CHRNB1: variants seen among roughly 807,000 people sequenced by gnomAD.
CHRNB1 encodes cholinergic receptor nicotinic beta 1 subunit, also known as acetylcholine receptor subunit beta.
A neutral mutation model predicts 53.8 loss-of-function variants in CHRNB1; 47 were observed. That is an observed-to-expected ratio of 0.87 (90% CI 0.69 to 1.11). The LOEUF (loss-of-function observed/expected upper bound fraction) is 1.11. Ranked by LOEUF, CHRNB1 falls within the 50% of genes most tolerant of loss-of-function variation. CHRNB1 has a pLI of 0.00. For synonymous variants in CHRNB1, 259 were observed against 263.5 expected (o/e 0.98, Z 0.16); for missense variants, 605 against 654.9 (o/e 0.92, Z 0.83).
intron 7 of CHRNB1, among the ~76,000 whole-genome samples, chr17:7,449,294 G>A (rs1408370502): frequency 2.0e-5 from 3 of 151,528 alleles, no homozygotes; most frequent in South Asian, 2.1e-4. Flanking sequence ...TAGTAGAGAC[G>A]GAGTTTCACC....
At position 7,445,839 on chromosome 17, in the gene CHRNB1, A is replaced by G. The variant is rs1908584420; in HGVS notation, c.199-230A>G. 1 of 623,102 alleles carries G rather than the reference A, an allele frequency of 1.6e-6. No homozygotes were observed. Among genetic ancestry groups the G allele is most frequent in the African/African-American group, 1.8e-5 (1 of 54,334 alleles). 38.6% of individuals were successfully genotyped at this position (623,102 alleles called of 1,614,324 possible). A position where few individuals can be genotyped will look rare whatever the true frequency, so the allele number is the denominator to read the frequency against. On this transcript the variant is annotated intron_variant, in intron 2 of 10. Coordinates refer to ENST00000306071, the MANE Select transcript of CHRNB1 (RefSeq NM_000747.3). The surrounding 1 kb of genome is among the most constrained non-coding windows in gnomAD (Gnocchi z 5.7). Reference sequence around the variant, plus strand: ...GACAGAGCTAGGCGGAGGGCTAGGCAGGGGCGGGTCTGGTAGGTTGATAGG... The same window carrying G: ...GACAGAGCTAGGCGGAGGGCTAGGCGGGGGCGGGTCTGGTAGGTTGATAGG...
intron 8 of CHRNB1, among the ~76,000 whole-genome samples, chr17:7,454,794 CTTTTTTT>C (rs1171593191): frequency 1.7e-4 from 11 of 65,538 alleles, no homozygotes; most frequent in Admixed American, 4.3e-4. Context: ...CACTAAATAG[CTTTTTTT>C]TTTTTTTTTT....
In CHRNB1 at chr17:7,445,765, G is replaced by T. The variant is rs1485634852; in HGVS notation, c.199-304G>T. On this transcript the variant is annotated intron_variant, in intron 2 of 10. Coordinates refer to ENST00000306071, the MANE Select transcript of CHRNB1 (RefSeq NM_000747.3). The surrounding 1 kb of genome is among the most constrained non-coding windows in gnomAD (Gnocchi z 5.7). The stretch of plus-strand genomic sequence containing the variant: ...TGCTCAGGGGTCAATAAATGGCAGC[G>T]GGTGGAGGTTCGGGGCTGGGTGGAT... 1.5e-6 allele frequency: 1 copy of T among 667,596 alleles called. No homozygotes were observed. The highest frequency in any genetic ancestry group is 2.5e-6 in the Non-Finnish European group (1 of 402,626). 41.4% of individuals were successfully genotyped at this position (667,596 alleles called of 1,614,324 possible).
Position 7,447,510 on chromosome 17 carries a change from A to G in CHRNB1, c.470A>G (p.Tyr157Cys). ...YRSSCSIQVT[Y>C]FPFDWQNCTM... ...ACTCTCTCCTCCATCCAGGTCACCT[A>G]CTTCCCCTTCGACTGGCAGAATTGC... The change falls in exon 6 of 11, where the codon TAC (tyrosine) becomes TGC (cysteine). Residue 157 changes from tyrosine (Y) to cysteine (C), a missense_variant. Transcript: ENST00000306071. 1.2e-6 allele frequency: 2 copies of G among 1,614,052 alleles called. No individual in the cohort carries two copies. The highest frequency in any genetic ancestry group is 1.6e-4 in the Middle Eastern group (1 of 6,062).
intron 4 of CHRNB1, 26 bp from the exon 5 acceptor site, chr17:7,447,017 T>A (rs772367417): frequency 6.2e-7 from 1 of 1,612,560 alleles, no homozygotes; most frequent in Non-Finnish European, 8.5e-7. Context: ...CGGGGCCTGA[T>A]CCCTGATGAG....
Position 7,446,903 on chromosome 17 carries a change from C to T in CHRNB1, c.314C>T (p.Ala105Val), listed in dbSNP as rs866965972. 4.3e-6 allele frequency: 7 copies of T among 1,610,916 alleles called. No individual in the cohort carries two copies. Among genetic ancestry groups the T allele is most frequent in the Admixed American group, 3.3e-5 (2 of 59,794 alleles). ...GGCATCGATTCGCTCCGCATCACGG[C>T]GGAATCCGTGTGGCTCCCTGACGTG... ...HDGIDSLRIT[A>V]ESVWLPDVVL... Residue 105 changes from alanine to valine, a missense_variant, in exon 4 of 11, where the codon GCG (alanine) becomes GTG (valine). Coordinates refer to ENST00000306071, the MANE Select transcript of CHRNB1 (RefSeq NM_000747.3).
intron 3 of CHRNB1, 125 bp from the exon 4 acceptor site, chr17:7,446,708 C>G: frequency 2.7e-6 from 2 of 733,774 alleles, no homozygotes; most frequent in East Asian, 5.4e-5. Context: ...ACCACGGCCC[C>G]TTGACCCACA....
intron 6 of CHRNB1, 93 bp downstream of exon 6, chr17:7,447,743 C>A: frequency 6.7e-7 from 1 of 1,489,972 alleles, no homozygotes; most frequent in Non-Finnish European, 9.3e-7. Flanking sequence ...CAATATAGCC[C>A]TGTGGGGTCA....
chr17:7,446,856 C>T lies in CHRNB1; in HGVS notation c.267C>T (p.Ser89=), dbSNP rs758939802. 1 of 1,614,000 alleles carries T rather than the reference C, an allele frequency of 6.2e-7. No homozygotes were observed. The highest frequency in any genetic ancestry group is 2.2e-5 in the East Asian group (1 of 44,886). ...AGGAGTGGACTGACTACAGGCTGAGCTGGGACCCTGCGGAGCACGACGGCA... is the reference window on the plus strand; with the variant it reads ...AGGAGTGGACTGACTACAGGCTGAGTTGGGACCCTGCGGAGCACGACGGCA... ...LDLEWTDYRL[S]WDPAEHDGID... Residue 89 remains serine, a synonymous_variant, in exon 4 of 11, where the codon AGC becomes AGT. Transcript: ENST00000306071.
intron 8 of CHRNB1, 111 bp from the exon 9 acceptor site, chr17:7,455,173 C>A (rs1178974129): frequency 5.9e-6 from 7 of 1,191,530 alleles, no homozygotes; most frequent in Admixed American, 1.7e-5. Context: ...GAAGAATATG[C>A]ACGCACATAC....
In CHRNB1 at chr17:7,445,150, T is replaced by A; in HGVS notation, c.23T>A (p.Met8Lys). The A allele has an allele frequency of 6.2e-7, 1 of 1,609,768 alleles. No homozygotes were observed. Among genetic ancestry groups the A allele is most frequent in the Non-Finnish European group, 8.5e-7 (1 of 1,179,630 alleles). MTPGALL[M>K]LLGALGAPLA... ...GCTATGACCCCAGGGGCTCTGCTGATGCTGCTGGGGGCGCTGGGGGCGCCG... is the reference window on the plus strand; with the variant it reads ...GCTATGACCCCAGGGGCTCTGCTGAAGCTGCTGGGGGCGCTGGGGGCGCCG... The change falls in exon 1 of 11, where the codon ATG becomes AAG. Residue 8 changes from methionine (M) to lysine (K), a missense_variant. Coordinates refer to ENST00000306071, the MANE Select transcript of CHRNB1 (RefSeq NM_000747.3). This position sits in a 1 kb window ranked among gnomAD's most constrained non-coding sequence, Gnocchi z 5.7.
At chr17:7,455,137 G>A (rs934082680) in intron 8 of CHRNB1, 147 bp from the exon 9 acceptor site, 18 of 904,444 alleles carry the variant, frequency 2.0e-5, no homozygotes, top group Admixed American at 6.2e-5. Flanking sequence ...CTGTGTGGCT[G>A]CATTTCCTTG....
At chr17:7,451,274 C>CTTTTTT (rs34769424) in intron 7 of CHRNB1, among the ~76,000 whole-genome samples, 796 of 91,990 alleles carry the variant, frequency 8.7e-3, no homozygotes, top group Middle Eastern at 0.012. Flanking sequence ...CTTTTCTTTT[C>CTTTTTT]TTTTTTTTTT....
At chr17:7,449,300 T>A (rs1181369026) in intron 7 of CHRNB1, among the ~76,000 whole-genome samples, 1 of 151,738 alleles carries the variant, frequency 6.6e-6, no homozygotes, top group Admixed American at 6.6e-5. Context: ...AGACGGAGTT[T>A]CACCGTGTTA....
chr17:7,452,749 G>A (rs755037130), intron 7 of CHRNB1, among the ~76,000 whole-genome samples: 28 of 152,224 alleles, frequency 1.8e-4, no homozygotes, highest in Admixed American at 6.5e-4. Context: ...TAGGCCAGGC[G>A]TGGTGGCTCA....
chr17:7,449,771 G>A (rs747481339), intron 7 of CHRNB1, among the ~76,000 whole-genome samples: 94 of 151,768 alleles, frequency 6.2e-4, no homozygotes, highest in Non-Finnish European at 6.6e-4. Flanking sequence ...GCCACCGGGC[G>A]CGGTGGCTCA....
At chr17:7,455,066 G>A (rs778697537) in intron 8 of CHRNB1, among the ~76,000 whole-genome samples, 35 of 151,984 alleles carry the variant, frequency 2.3e-4, no homozygotes, top group Non-Finnish European at 4.4e-4. Context: ...GCTTCCCAAA[G>A]TGCTGCGATT....
chr17:7,448,859 C>T, intron 7 of CHRNB1, 71 bp downstream of exon 7: 1 of 1,526,204 alleles, frequency 6.6e-7, no homozygotes, highest in Non-Finnish European at 9.1e-7. Flanking sequence ...TTAATCCAGG[C>T]AGGGTTTTCC....
intron 5 of CHRNB1, 57 bp from the exon 6 acceptor site, chr17:7,447,446 A>T (rs1908687186): frequency 1.2e-6 from 2 of 1,607,248 alleles, no homozygotes; most frequent in Non-Finnish European, 1.7e-6. Context: ...GACCTCCCAA[A>T]CTCCACCAGC....
Sources: gnomAD v4.1 joint callset for allele counts (sites outside exome capture counted in the v4.1 genomes callset) on GRCh38, gnomAD v4.1.1 for gene constraint, Gnocchi (gnomAD v3.1) non-coding constraint, MANE v1.5 for transcripts, NCBI Gene and HGNC (gene_info 2026-07-23, HGNC 2026-07-21) for gene names.